MAML3: variants seen among roughly 807,000 people sequenced by gnomAD.
MAML3 encodes mastermind-like protein 3.
Under a neutral mutation model 101.9 loss-of-function variants are expected in MAML3, and 27 were observed. The observed-to-expected ratio is 0.27, with a 90% CI of 0.20 to 0.37. The LOEUF (loss-of-function observed/expected upper bound fraction) is 0.37, where lower values mean the gene tolerates loss of function less well. MAML3 is among the 10% of genes least tolerant of loss of function. The probability of loss-of-function intolerance (pLI) is 1.00; values close to 1 mark genes in which losing one functional copy is unlikely to be tolerated. For synonymous variants in MAML3, 501 were observed against 555.9 expected, an observed-to-expected ratio of 0.90 and a Z score of 1.39; for missense variants, 1,316 against 1,444.9, an observed-to-expected ratio of 0.91 and a Z score of 1.45.
intron 1 of MAML3, among the ~76,000 whole-genome samples, chr4:139,980,344 C>T (rs973905357): frequency 6.6e-6 from 1 of 152,190 alleles, no homozygotes; most frequent in African/African-American, 2.4e-5. Context: ...TGCATACACA[C>T]CTCCTTTGGC....
intron 1 of MAML3, among the ~76,000 whole-genome samples, chr4:139,989,426 C>T (rs1734616680): frequency 6.6e-6 from 1 of 152,150 alleles, no homozygotes; most frequent in South Asian, 2.1e-4. Flanking sequence ...GCTTCTGCTG[C>T]CTTCTGCCTG....
At chr4:140,138,313 T>C (rs552458139) in intron 1 of MAML3, among the ~76,000 whole-genome samples, 2 of 152,332 alleles carry the variant, frequency 1.3e-5, no homozygotes, top group East Asian at 3.9e-4. Context: ...AATCCAAATC[T>C]AAAATCATTG....
chr4:139,834,257 T>G (rs1415141628), intron 2 of MAML3, among the ~76,000 whole-genome samples: 1 of 152,236 alleles, frequency 6.6e-6, no homozygotes, highest in African/African-American at 2.4e-5. Context: ...ACTGATGATA[T>G]AGTGGTGTGC....
intron 1 of MAML3, among the ~76,000 whole-genome samples, chr4:139,995,248 C>T (rs1370035391): frequency 5.9e-5 from 9 of 152,038 alleles, no homozygotes; most frequent in Admixed American, 5.9e-4. Flanking sequence ...GGGATAAATC[C>T]CACCTGATCA....
At chr4:139,872,207 AT>A (rs200458125) in intron 2 of MAML3, among the ~76,000 whole-genome samples, 4 of 152,180 alleles carry the variant, frequency 2.6e-5, no homozygotes, top group African/African-American at 4.8e-5. Context: ...TGCTGTTATT[AT>A]TTTAAAAAAA....
Position 140,087,925 on chromosome 4 carries a change from G to GT in MAML3, c.468+64934dup, listed in dbSNP as rs1461553025. Among the ~76,000 whole-genome samples, 3 of 152,126 alleles carry GT rather than the reference G, an allele frequency of 2.0e-5. No individual in the cohort carries two copies. The East Asian group carries it at 5.8e-4, about 29-fold the overall frequency. ...ATTATATTTAGCCTTCTGAAAATGA[G>GT]TAACAATCAAGCATAAATACTTGTT... On this transcript the variant is annotated intron_variant, in intron 1 of 4. Coordinates refer to ENST00000509479, the MANE Select transcript of MAML3 (RefSeq NM_018717.5).
intron 2 of MAML3, among the ~76,000 whole-genome samples, chr4:139,749,762 C>T (rs1431194183): frequency 6.6e-6 from 1 of 152,164 alleles, no homozygotes; most frequent in Non-Finnish European, 1.5e-5. Flanking sequence ...GGAGCTCTCA[C>T]TACATAGATG....
At chr4:139,780,401 C>A (rs538123461) in intron 2 of MAML3, among the ~76,000 whole-genome samples, 1 of 152,300 alleles carries the variant, frequency 6.6e-6, no homozygotes, top group South Asian at 2.1e-4. Flanking sequence ...ACCACAAATA[C>A]TGTCACTCAG....
chr4:139,790,477 C>A (rs1473360157), intron 2 of MAML3, among the ~76,000 whole-genome samples: 1 of 151,612 alleles, frequency 6.6e-6, no homozygotes, highest in African/African-American at 2.4e-5. Flanking sequence ...TGCGCAACAT[C>A]ACCGCTATCC....
chr4:140,111,572 T>G (rs1041698605), intron 1 of MAML3, among the ~76,000 whole-genome samples: 1 of 152,208 alleles, frequency 6.6e-6, no homozygotes, highest in Non-Finnish European at 1.5e-5. Flanking sequence ...CTTCCCCTTA[T>G]AGTGGAATTT....
chr4:139,736,655 G>A (rs1349388012), intron 2 of MAML3, among the ~76,000 whole-genome samples: 1 of 152,088 alleles, frequency 6.6e-6, no homozygotes, highest in Non-Finnish European at 1.5e-5. Flanking sequence ...TAAAAATTAG[G>A]GGTTCTCAAA....
chr4:140,084,349 A>AT (rs1267544634), intron 1 of MAML3, among the ~76,000 whole-genome samples: 5 of 152,194 alleles, frequency 3.3e-5, no homozygotes, highest in African/African-American at 9.7e-5. Flanking sequence ...CTTCTCAACT[A>AT]TTTTTGATGG....
chr4:139,760,426 C>A (rs568394857), intron 2 of MAML3, among the ~76,000 whole-genome samples: 1 of 152,118 alleles, frequency 6.6e-6, no homozygotes. Context: ...CCCAGCACTT[C>A]GGGAAAATTA....
At chr4:139,801,269 T>C (rs1730599613) in intron 2 of MAML3, among the ~76,000 whole-genome samples, 1 of 152,258 alleles carries the variant, frequency 6.6e-6, no homozygotes, top group African/African-American at 2.4e-5. Flanking sequence ...GAATTTCAGA[T>C]GAACAACTTA....
chr4:140,023,136 C>T (rs1726758291), intron 1 of MAML3, among the ~76,000 whole-genome samples: 1 of 152,136 alleles, frequency 6.6e-6, no homozygotes, highest in Non-Finnish European at 1.5e-5. Context: ...TTTTACCTAA[C>T]CCCTATTCAC....
chr4:140,139,879 AAAAG>A (rs1728952966), intron 1 of MAML3, among the ~76,000 whole-genome samples: 1 of 152,246 alleles, frequency 6.6e-6, no homozygotes, highest in South Asian at 2.1e-4. Context: ...TGCTAGAAAT[AAAAG>A]AAATAGAACC....
chr4:139,974,432 T>C (rs1734293137), intron 1 of MAML3, among the ~76,000 whole-genome samples: 1 of 152,158 alleles, frequency 6.6e-6, no homozygotes, highest in Non-Finnish European at 1.5e-5. Flanking sequence ...AAGTGTCTGT[T>C]ACATGAGTAC....
chr4:139,882,717 C>T (rs1732243976), intron 2 of MAML3, among the ~76,000 whole-genome samples: 1 of 152,070 alleles, frequency 6.6e-6, no homozygotes, highest in Non-Finnish European at 1.5e-5. Context: ...GGTGTGGTGG[C>T]ACGCACCTGT....
Position 139,722,291 on chromosome 4 carries a change from A to C in MAML3, c.2417-1968T>G, listed in dbSNP as rs573407953. Among the ~76,000 whole-genome samples, 12 of 152,340 alleles carry C rather than the reference A, an allele frequency of 7.9e-5. 1 individual carries two copies. The highest frequency in any genetic ancestry group is 7.2e-4 in the Admixed American group (11 of 15,306). Reference sequence around the variant, plus strand: ...TCTTATTTTTAAAAGGCATTTTAAAATCAGCAATTGCCACATTCTTTTTCA... The same window carrying C: ...TCTTATTTTTAAAAGGCATTTTAAACTCAGCAATTGCCACATTCTTTTTCA... On this transcript the variant is annotated intron_variant, in intron 4 of 4. Coordinates refer to ENST00000509479, the MANE Select transcript of MAML3 (RefSeq NM_018717.5).
Sources: allele counts gnomAD v4.1 joint callset (sites outside exome capture counted in the v4.1 genomes callset), GRCh38; gene constraint gnomAD v4.1.1; transcripts MANE v1.5; gene names NCBI Gene and HGNC (gene_info 2026-07-23, HGNC 2026-07-21).